Variants in FBLN1 observed in about 807,000 individuals in gnomAD.
FBLN1 encodes fibulin-1.
Under a neutral mutation model 89.7 loss-of-function variants are expected in FBLN1, and 34 were observed. That is an observed-to-expected ratio of 0.38 (90% CI 0.29 to 0.50). FBLN1 has a LOEUF of 0.50. FBLN1 is among the 20% of genes least tolerant of loss of function. The pLI is 0.92. For missense variants in FBLN1, 777 were observed against 988.1 expected (o/e 0.79, Z 2.86); for synonymous variants, 393 against 391.3 (o/e 1.00, Z -0.05).
intron 1 of FBLN1, among the ~76,000 whole-genome samples, chr22:45,515,971 C>A (rs1701224769): frequency 6.6e-6 from 1 of 152,154 alleles, no homozygotes; most frequent in African/African-American, 2.4e-5. Context: ...CGGGGGTATA[C>A]AAGGACAGGA....
intron 12 of FBLN1, among the ~76,000 whole-genome samples, chr22:45,547,709 A>G (rs547618312): frequency 3.4e-4 from 52 of 152,074 alleles, no homozygotes; most frequent in African/African-American, 1.2e-3. Context: ...CCCCAACTGA[A>G]ATTCTAATAT....
At position 45,594,854 on chromosome 22, in the gene FBLN1, G is replaced by GTGGGTGGA. The variant is rs747851349; in HGVS notation, c.1973-5450_1973-5449insGTGGATGG. Among the ~76,000 whole-genome samples the GTGGGTGGA allele has an allele frequency of 8.0e-5, 12 of 150,898 alleles. 1 individual carries two copies. The highest frequency in any genetic ancestry group is 2.9e-4 in the African/African-American group (12 of 40,846). On this transcript the variant is annotated intron_variant, in intron 16 of 16. Transcript: ENST00000327858. Reference sequence around the variant, plus strand: ...AGTTGATGGATTGCTGAGTGGGTGGGTGGATGGATGGATGGACGGATGGAT... The same window carrying GTGGGTGGA: ...AGTTGATGGATTGCTGAGTGGGTGGGTGGGTGGATGGATGGATGGATGGACGGATGGAT...
chr22:45,533,429 G>A (rs2088436728), intron 6 of FBLN1, among the ~76,000 whole-genome samples: 1 of 152,214 alleles, frequency 6.6e-6, no homozygotes, highest in Non-Finnish European at 1.5e-5. Flanking sequence ...AGGATCTGCT[G>A]AGTGGCCTTG....
At position 45,588,183 on chromosome 22, in the gene FBLN1, G is replaced by C. The variant is rs953402299; in HGVS notation, c.1972+11075G>C. Among the ~76,000 whole-genome samples, 1 of 152,168 alleles carries C rather than the reference G, an allele frequency of 6.6e-6. No individual in the cohort carries two copies. Among genetic ancestry groups the C allele is most frequent in the African/African-American group, 2.4e-5 (1 of 41,442 alleles). The stretch of plus-strand genomic sequence containing the variant: ...TGGCGGTACAGCTTTAAATCTGGTG[G>C]TCAGTGACATTTGTCAAAGACTCAG... On this transcript the variant is annotated intron_variant, in intron 16 of 16. Coordinates refer to ENST00000327858, the MANE Select transcript of FBLN1 (RefSeq NM_006486.3). This position sits in a 1 kb window ranked among gnomAD's most constrained non-coding sequence, Gnocchi z 5.1.
Position 45,590,521 on chromosome 22 carries a change from C to A in FBLN1, c.1973-9786C>A, listed in dbSNP as rs2089127124. ...GGGGTAGGGTGAGAAGAGCCCCCTG[C>A]AGAGCCACAGTGGGCCCCCACGGTT... On this transcript the variant is annotated intron_variant, in intron 16 of 16. Coordinates refer to ENST00000327858, the MANE Select transcript of FBLN1 (RefSeq NM_006486.3). This position sits in a 1 kb window ranked among gnomAD's most constrained non-coding sequence, Gnocchi z 4.1. Among the ~76,000 whole-genome samples, 1 of 152,174 alleles carries A rather than the reference C, an allele frequency of 6.6e-6. No homozygotes were observed. Among genetic ancestry groups the A allele is most frequent in the African/African-American group, 2.4e-5 (1 of 41,436 alleles).
At chr22:45,510,435 A>T (rs1405655076) in intron 1 of FBLN1, among the ~76,000 whole-genome samples, 1 of 152,114 alleles carries the variant, frequency 6.6e-6, no homozygotes, top group Admixed American at 6.5e-5. Flanking sequence ...TGAGGCCCGG[A>T]CTTGCTCCGG....
At chr22:45,592,730 A>AT (rs1273655796) in intron 16 of FBLN1, among the ~76,000 whole-genome samples, 2 of 152,036 alleles carry the variant, frequency 1.3e-5, no homozygotes, top group African/African-American at 4.8e-5. Context: ...AGGCCTGGTG[A>AT]TGGTTTGCTT....
rs2088495828 is a variant in FBLN1 at position 45,537,385 on chromosome 22, A to G, written c.922+2048A>G. On this transcript the variant is annotated intron_variant, in intron 8 of 16. Transcript: ENST00000327858. This position sits in a 1 kb window ranked among gnomAD's most constrained non-coding sequence, Gnocchi z 5.7. ...TGTAATTCTGGTACTTTGGGAGGCC[A>G]AGGCGGGTGGATCACTTGAGGTCAG... Among the ~76,000 whole-genome samples, 1 of 152,216 alleles carries G rather than the reference A, an allele frequency of 6.6e-6. No homozygotes were observed. Among genetic ancestry groups the G allele is most frequent in the East Asian group, 1.9e-4 (1 of 5,172 alleles).
intron 16 of FBLN1, among the ~76,000 whole-genome samples, chr22:45,593,390 T>G (rs879579103): frequency 1.3e-5 from 2 of 152,030 alleles, no homozygotes; most frequent in Non-Finnish European, 2.9e-5. Flanking sequence ...GACATGAAAG[T>G]GAAGCGCCCG....
chr22:45,526,009 C>T lies in FBLN1; in HGVS notation c.321+331C>T, dbSNP rs2088323159. On this transcript the variant is annotated intron_variant, in intron 3 of 16. Transcript: ENST00000327858. ...AGGGCTCCTCCTGGGCTTCCAGAAT[C>T]TTCTTCTCAATTCAGGGTCGGCACC... 2.0e-5 allele frequency among the ~76,000 whole-genome samples: 3 copies of T among 152,312 alleles called. No homozygotes were observed. In the South Asian group the frequency reaches 6.2e-4, roughly 32 times the overall value.
In FBLN1 at chr22:45,526,984, T is replaced by G. The variant is rs568952704; in HGVS notation, c.322-863T>G. Among the ~76,000 whole-genome samples the G allele has an allele frequency of 3.9e-5, 6 of 152,324 alleles. No individual in the cohort carries two copies. In the South Asian group the frequency reaches 1.2e-3, roughly 32 times the overall value. Reference sequence around the variant, plus strand: ...AGATCTCTCTGGCAGATGAGCGACTTGTGTTTCCAGGAAGGATTACTCACA... The same window carrying G: ...AGATCTCTCTGGCAGATGAGCGACTGGTGTTTCCAGGAAGGATTACTCACA... On this transcript the variant is annotated intron_variant, in intron 3 of 16. Transcript: ENST00000327858.
At chr22:45,508,037 G>T (rs2088047069) in intron 1 of FBLN1, among the ~76,000 whole-genome samples, 1 of 152,138 alleles carries the variant, frequency 6.6e-6, no homozygotes, top group Non-Finnish European at 1.5e-5. Flanking sequence ...ACAGCACGGG[G>T]ACTCGAGCAC....
At chr22:45,511,743 C>T (rs1016191770) in intron 1 of FBLN1, among the ~76,000 whole-genome samples, 1 of 152,130 alleles carries the variant, frequency 6.6e-6, no homozygotes, top group Non-Finnish European at 1.5e-5. Flanking sequence ...GCCACTGCTC[C>T]CGGCCTCTTC....
chr22:45,552,916 C>T (rs2088723639), intron 14 of FBLN1, among the ~76,000 whole-genome samples: 1 of 152,232 alleles, frequency 6.6e-6, no homozygotes, highest in Non-Finnish European at 1.5e-5. Context: ...TCTTTATCCC[C>T]TCAGTGGGGC....
rs136743 is a variant in FBLN1, at chr22:45,532,866, A to C, written c.545-197A>C. ...AGACGGGGAGGTTGGGACCTGAAGC[A>C]GCAGCCCCTGGGGGGTGTCCAGAGC... On this transcript the variant is annotated intron_variant, in intron 5 of 16. Coordinates refer to ENST00000327858, the MANE Select transcript of FBLN1 (RefSeq NM_006486.3). This position sits in a 1 kb window ranked among gnomAD's most constrained non-coding sequence, Gnocchi z 4.2. 0.46 allele frequency: 282,774 copies of C among 613,904 alleles called. 66,150 individuals are homozygous for C. Among genetic ancestry groups the C allele is most frequent in the Middle Eastern group, 0.57 (1,307 of 2,294 alleles). 38.0% of individuals were successfully genotyped at this position (613,904 alleles called of 1,614,324 possible).
chr22:45,540,372 G>GC (rs757000904), intron 8 of FBLN1, among the ~76,000 whole-genome samples: 1 of 152,208 alleles, frequency 6.6e-6, no homozygotes, highest in Non-Finnish European at 1.5e-5. Context: ...GTAAATTGCT[G>GC]CACGGTCAGC....
At chr22:45,504,644 C>T (rs530712391) in intron 1 of FBLN1, among the ~76,000 whole-genome samples, 1 of 152,124 alleles carries the variant, frequency 6.6e-6, no homozygotes, top group African/African-American at 2.4e-5. Context: ...TAAAACTCTC[C>T]CTGGCCCCGG....
Position 45,583,504 on chromosome 22 carries a change from C to T in FBLN1, c.1972+6396C>T, listed in dbSNP as rs541925257. 6.6e-6 allele frequency among the ~76,000 whole-genome samples: 1 copy of T among 152,320 alleles called. No homozygotes were observed. Among genetic ancestry groups the T allele is most frequent in the East Asian group, 1.9e-4 (1 of 5,192 alleles). On this transcript the variant is annotated intron_variant, in intron 16 of 16. Coordinates refer to ENST00000327858, the MANE Select transcript of FBLN1 (RefSeq NM_006486.3). This position sits in a 1 kb window ranked among gnomAD's most constrained non-coding sequence, Gnocchi z 4.5. Reference sequence around the variant, plus strand: ...TGTATGTGAAAGCTCCCAGCAGTGCCTGGCACACAGTGGGTGCACAGGATG... The same window carrying T: ...TGTATGTGAAAGCTCCCAGCAGTGCTTGGCACACAGTGGGTGCACAGGATG...
At chr22:45,596,367 T>C (rs76743155) in intron 16 of FBLN1, among the ~76,000 whole-genome samples, 3 of 152,300 alleles carry the variant, frequency 2.0e-5, no homozygotes, top group Non-Finnish European at 4.4e-5. Context: ...TTTCTTTCTC[T>C]GTCCCCAGAC....
Sources: allele counts gnomAD v4.1 joint callset (sites outside exome capture counted in the v4.1 genomes callset), GRCh38; gene constraint gnomAD v4.1.1; non-coding constraint Gnocchi (gnomAD v3.1); transcripts MANE v1.5; gene names NCBI Gene and HGNC (gene_info 2026-07-23, HGNC 2026-07-21).